Variants in INO80D observed in about 807,000 individuals in gnomAD.
INO80D encodes INO80 complex subunit D.
In INO80D, 21 loss-of-function variants were observed where a neutral mutation model predicts 87.6. The ratio of observed to expected loss-of-function variants is 0.24; its 90% CI spans 0.17 to 0.35. INO80D has a LOEUF of 0.35. Ranked by LOEUF, INO80D falls within the 10% of genes least tolerant of loss-of-function variation. The probability of loss-of-function intolerance (pLI) is 1.00; values close to 1 mark genes in which losing one functional copy is unlikely to be tolerated. For missense variants in INO80D, 982 were observed against 1,280.7 expected, an observed-to-expected ratio of 0.77 and a Z score of 3.56; for synonymous variants, 440 against 491.0, an observed-to-expected ratio of 0.90 and a Z score of 1.37.
chr2:205,995,951 ACAAAG>A lies in INO80D; in HGVS notation c.*8412_*8416del, dbSNP rs1687800196. The A allele has an allele frequency of 2.0e-5, 3 of 152,204 alleles. No individual in the cohort carries two copies. Among genetic ancestry groups the A allele is most frequent in the African/African-American group, 7.2e-5 (3 of 41,470 alleles). The allele number at this position is 152,204 out of a possible 1,614,324, so 9.4% of individuals were successfully genotyped here. A position where few individuals can be genotyped will look rare whatever the true frequency, so the allele number is the denominator to read the frequency against. Reference sequence around the variant, plus strand: ...TAAATGGTGAAGTTATGATTAAACTACAAAGCAAATAAAAATATGTAAATGACAAA... The same window carrying A: ...TAAATGGTGAAGTTATGATTAAACTACAAATAAAAATATGTAAATGACAAA... On this transcript the variant is annotated 3_prime_UTR_variant, in exon 11 of 11. Coordinates refer to ENST00000403263, the MANE Select transcript of INO80D (RefSeq NM_017759.5).
intron 1 of INO80D, among the ~76,000 whole-genome samples, chr2:206,078,061 CAAAAA>C (rs71410859): frequency 7.0e-3 from 440 of 63,048 alleles, no homozygotes; most frequent in African/African-American, 0.026. Context: ...GCAATGTTTA[CAAAAA>C]AAAAAAAAAA....
Position 206,007,430 on chromosome 2 carries a change from G to T in INO80D, c.1772C>A (p.Thr591Lys). Residue 591 changes from threonine (T) to lysine (K), a missense_variant, in exon 10 of 11, where the codon ACG (threonine) becomes AAG (lysine). Thr to Lys is a moderately conservative substitution (Grantham distance 78, BLOSUM62 -1). Transcript: ENST00000403263. The part of the protein sequence containing the change: ...VEASHIRSPS[T>K]PELSADELPD... ...CAACTCATCAGCACTCAGCTCTGGC[G>T]TGGATGGGCTCCTGGGAAAGAGGAC... The T allele has an allele frequency of 3.7e-6, 6 of 1,609,560 alleles. No homozygotes were observed. Among genetic ancestry groups the T allele is most frequent in the Non-Finnish European group, 5.1e-6 (6 of 1,178,292 alleles).
intron 1 of INO80D, among the ~76,000 whole-genome samples, chr2:206,075,655 C>T (rs923504468): frequency 7.3e-5 from 11 of 151,666 alleles, no homozygotes; most frequent in Middle Eastern, 3.4e-3. Flanking sequence ...CCAGGCTGGT[C>T]TCAAACTCCT....
Position 206,004,450 on chromosome 2 carries a change from G to A in INO80D, c.3002C>T (p.Ala1001Val). The A allele has an allele frequency of 6.2e-7, 1 of 1,606,110 alleles. No individual in the cohort carries two copies. Among genetic ancestry groups the A allele is most frequent in the Non-Finnish European group, 8.5e-7 (1 of 1,176,266 alleles). ...TGTTACTGTGAAGCCTGTAGGAGGG[G>A]CTATAGAGCTGTGGCTGGGCTGCAG... The part of the protein sequence containing the change: ...KDLQPSHSSI[A>V]PPTGFTVTGA... Residue 1001 changes from alanine (A) to valine (V), a missense_variant, in exon 11 of 11, where the codon GCC becomes GTC. Transcript: ENST00000403263. The surrounding 1 kb of genome is among the most constrained non-coding windows in gnomAD (Gnocchi z 4.9).
chr2:206,058,745 AC>A (rs1689601951), intron 3 of INO80D, among the ~76,000 whole-genome samples: 1 of 151,980 alleles, frequency 6.6e-6, no homozygotes, highest in South Asian at 2.1e-4. Flanking sequence ...AAAACAAACA[AC>A]AAAAAAAAAC....
At chr2:206,032,962 G>A (rs986496311) in intron 5 of INO80D, among the ~76,000 whole-genome samples, 20 of 152,148 alleles carry the variant, frequency 1.3e-4, no homozygotes, top group African/African-American at 3.9e-4. Context: ...AGAGCACAAT[G>A]AAAGCAACGG....
chr2:206,009,529 A>G (rs765209866), intron 9 of INO80D, 48 bp downstream of exon 9: 41 of 1,486,378 alleles, frequency 2.8e-5, no homozygotes, highest in Non-Finnish European at 3.6e-5. Context: ...TGTTCTGAGA[A>G]GAATCCCAAA....
chr2:206,048,287 G>A (rs1423626074), intron 4 of INO80D, among the ~76,000 whole-genome samples: 1 of 152,190 alleles, frequency 6.6e-6, no homozygotes, highest in East Asian at 1.9e-4. Flanking sequence ...AGGTTGGAGT[G>A]TAGTGGTGCA....
intron 6 of INO80D, among the ~76,000 whole-genome samples, chr2:206,022,803 TC>T (rs985274926): frequency 6.6e-6 from 1 of 152,086 alleles, no homozygotes; most frequent in Non-Finnish European, 1.5e-5. Context: ...AAGTTCTGCC[TC>T]CCGGGTTCAA....
chr2:206,057,485 T>C (rs893472390), intron 3 of INO80D, among the ~76,000 whole-genome samples: 8 of 152,258 alleles, frequency 5.3e-5, no homozygotes, highest in South Asian at 2.1e-4. Flanking sequence ...CGTGGGGTTA[T>C]AGGTGAAATG....
chr2:206,005,797 A>G (rs898342140), intron 10 of INO80D, among the ~76,000 whole-genome samples: 1 of 152,202 alleles, frequency 6.6e-6, no homozygotes, highest in Non-Finnish European at 1.5e-5. Context: ...TCAAAGTACT[A>G]AATTCTTAGG....
intron 8 of INO80D, among the ~76,000 whole-genome samples, chr2:206,016,900 G>A (rs889262832): frequency 1.3e-5 from 2 of 152,136 alleles, no homozygotes. Context: ...GGCCTCCCCA[G>A]CCACATAGAA....
At chr2:206,072,270 G>A (rs76526223) in intron 1 of INO80D, among the ~76,000 whole-genome samples, 4,359 of 151,204 alleles carry the variant, frequency 0.029, 87 homozygotes, top group Middle Eastern at 0.044. Flanking sequence ...GGGTTTTTTG[G>A]GAGGGTTTTG....
At chr2:206,075,276 C>T (rs926060822) in intron 1 of INO80D, among the ~76,000 whole-genome samples, 2 of 152,182 alleles carry the variant, frequency 1.3e-5, no homozygotes, top group African/African-American at 4.8e-5. Flanking sequence ...GGGACTACCA[C>T]TTGATCACCT....
intron 5 of INO80D, among the ~76,000 whole-genome samples, chr2:206,028,892 GT>G (rs985306696): frequency 2.8e-4 from 40 of 142,866 alleles, no homozygotes; most frequent in Non-Finnish European, 2.8e-4. Flanking sequence ...TTGTTTTTTT[GT>G]TTTTTTTTTT....
chr2:206,058,602 G>C (rs980812890), intron 3 of INO80D, among the ~76,000 whole-genome samples: 5 of 151,948 alleles, frequency 3.3e-5, no homozygotes, highest in African/African-American at 1.2e-4. Context: ...AGATATGATG[G>C]TAGATGCCTG....
rs529524074 is a variant in INO80D, at chr2:206,057,155, C to T, written c.219-212G>A. 1.6e-4 allele frequency among the ~76,000 whole-genome samples: 24 copies of T among 152,256 alleles called. No individual in the cohort carries two copies. In the South Asian group the frequency reaches 4.8e-3, roughly 30 times the overall value. ...GGCAAATATGTGAACTGTACATGCA[C>T]AGGGGTGGCCAGACAGAAGCAAGTC... On this transcript the variant is annotated intron_variant, in intron 3 of 10. Coordinates refer to ENST00000403263, the MANE Select transcript of INO80D (RefSeq NM_017759.5).
chr2:206,051,136 CA>C (rs1331310061), intron 4 of INO80D, among the ~76,000 whole-genome samples: 1 of 151,898 alleles, frequency 6.6e-6, no homozygotes, highest in African/African-American at 2.4e-5. Flanking sequence ...GCAAGCAAAC[CA>C]AAACCCAGAC....
Position 205,999,277 on chromosome 2 carries a change from T to TGC in INO80D, c.*5089_*5090dup, listed in dbSNP as rs1280948253. The TGC allele has an allele frequency of 1.3e-5, 2 of 152,294 alleles. No individual in the cohort carries two copies. The highest frequency in any genetic ancestry group is 1.3e-4 in the Admixed American group (2 of 15,284). 9.4% of individuals were successfully genotyped at this position (152,294 alleles called of 1,614,324 possible). A position where few individuals can be genotyped will look rare whatever the true frequency, so the allele number is the denominator to read the frequency against. ...GGGCGGGATGGGTACAGATCATATGTGCGTGTGCATTCTTCGGGACTGTGG... is the reference window on the plus strand; with the variant it reads ...GGGCGGGATGGGTACAGATCATATGTGCGCGTGTGCATTCTTCGGGACTGTGG... On this transcript the variant is annotated 3_prime_UTR_variant, in exon 11 of 11. Coordinates refer to ENST00000403263, the MANE Select transcript of INO80D (RefSeq NM_017759.5).
Sources: allele counts gnomAD v4.1 joint callset (sites outside exome capture counted in the v4.1 genomes callset), GRCh38; gene constraint gnomAD v4.1.1; non-coding constraint Gnocchi (gnomAD v3.1); transcripts MANE v1.5; gene names NCBI Gene and HGNC (gene_info 2026-07-23, HGNC 2026-07-21).